The following MAP3K13 variants were observed in gnomAD, a reference collection of about 807,000 sequenced individuals.
MAP3K13 encodes leucine zipper-bearing kinase.
Under a neutral mutation model 104.0 loss-of-function variants are expected in MAP3K13, and 52 were observed. The ratio of observed to expected loss-of-function variants is 0.50; its 90% CI spans 0.40 to 0.63. The LOEUF (loss-of-function observed/expected upper bound fraction) is 0.63, where lower values mean the gene tolerates loss of function less well. MAP3K13 is among the 20% of genes least tolerant of loss of function. The pLI is 0.00. For missense variants in MAP3K13, 914 were observed against 1,218.5 expected, an observed-to-expected ratio of 0.75 and a Z score of 3.72; for synonymous variants, 394 against 442.2, an observed-to-expected ratio of 0.89 and a Z score of 1.37.
At chr3:185,291,564 A>T (rs966155882) in intron 2 of MAP3K13, 3 of 1,477,304 alleles carry the variant, frequency 2.0e-6, no homozygotes, top group African/African-American at 1.4e-5. Flanking sequence ...CCTTAAAAAA[A>T]TTATTAGACT....
At chr3:185,472,891 G>C in intron 10 of MAP3K13, 84 bp from the exon 11 acceptor site, 1 of 1,246,378 alleles carries the variant, frequency 8.0e-7, no homozygotes, top group Admixed American at 2.0e-5. Flanking sequence ...CAAAGGCTCT[G>C]TGTATTTTAA....
intron 2 of MAP3K13, chr3:185,291,903 CA>C (rs139816082): frequency 0.3 from 253,215 of 843,852 alleles, 1,210 homozygotes; most frequent in Middle Eastern, 0.32. Flanking sequence ...CAGTGCTTTC[CA>C]AAAAAAAAAA....
intron 2 of MAP3K13, among the ~76,000 whole-genome samples, chr3:185,301,645 A>G (rs1721115216): frequency 6.6e-6 from 1 of 152,176 alleles, no homozygotes; most frequent in Non-Finnish European, 1.5e-5. Context: ...GTCAAATTTT[A>G]TAGGACCTTT....
At chr3:185,401,897 C>T (rs564886491) in intron 1 of MAP3K13, among the ~76,000 whole-genome samples, 4 of 152,164 alleles carry the variant, frequency 2.6e-5, no homozygotes, top group Non-Finnish European at 4.4e-5. Flanking sequence ...GCTTATGGAG[C>T]GACCTCTTAC....
At chr3:185,453,734 A>C (rs1336171457) in intron 7 of MAP3K13, among the ~76,000 whole-genome samples, 3 of 148,960 alleles carry the variant, frequency 2.0e-5, no homozygotes, top group African/African-American at 7.4e-5. Flanking sequence ...ACGCCACTGC[A>C]CTCCACCCTG....
chr3:185,476,203 T>C (rs1419628003), intron 11 of MAP3K13, among the ~76,000 whole-genome samples: 3 of 152,066 alleles, frequency 2.0e-5, no homozygotes, highest in African/African-American at 7.2e-5. Context: ...CTTTAGGCCA[T>C]AGAACACACA....
chr3:185,292,994 T>C (rs1310916502), intron 2 of MAP3K13: 1 of 985,078 alleles, frequency 1.0e-6, no homozygotes, highest in Non-Finnish European at 1.2e-6. Flanking sequence ...GAATAAAAAA[T>C]TGTTTTAGTT....
At chr3:185,407,869 A>ATTTTTTTTTT (rs35693572) in intron 1 of MAP3K13, among the ~76,000 whole-genome samples, 1 of 69,096 alleles carries the variant, frequency 1.4e-5, no homozygotes, top group African/African-American at 5.9e-5. Context: ...AATTTTGAGA[A>ATTTTTTTTTT]TTTTTTTTTT....
In MAP3K13 at chr3:185,414,245, G is replaced by A. The variant is rs137856973; in HGVS notation, c.-85-14252G>A. Among the ~76,000 whole-genome samples the A allele has an allele frequency of 2.1e-3, 326 of 152,250 alleles. 1 individual carries two copies. Among genetic ancestry groups the A allele is most frequent in the Non-Finnish European group, 3.5e-3 (238 of 68,020 alleles). On this transcript the variant is annotated intron_variant, in intron 1 of 13. Transcript: ENST00000265026. Reference sequence around the variant, plus strand: ...TTAATATGGGAAACGTGTTTAGAGCGGTTTCACATAATCTCAATAAATGTT... The same window carrying A: ...TTAATATGGGAAACGTGTTTAGAGCAGTTTCACATAATCTCAATAAATGTT...
chr3:185,431,167 G>A lies in MAP3K13; in HGVS notation c.475+2111G>A, dbSNP rs551961525. Among the ~76,000 whole-genome samples the A allele has an allele frequency of 1.2e-4, 19 of 152,244 alleles. No individual in the cohort carries two copies. The Middle Eastern group carries it at 0.01, about 82-fold the overall frequency. On this transcript the variant is annotated intron_variant, in intron 2 of 13. Transcript: ENST00000265026. ...TCCCACCAGACCCCTCCCCTGACTC[G>A]TGGGAATTACAATTCGAGATGAGAT...
At chr3:185,351,146 G>A (rs1021178314) in intron 2 of MAP3K13, among the ~76,000 whole-genome samples, 2 of 152,166 alleles carry the variant, frequency 1.3e-5, no homozygotes, top group Non-Finnish European at 2.9e-5. Flanking sequence ...ACTTATAAGT[G>A]GGAGCTAAAC....
At chr3:185,455,323 TATATATG>T (rs1560119161) in intron 7 of MAP3K13, among the ~76,000 whole-genome samples, 3 of 46,480 alleles carry the variant, frequency 6.5e-5, no homozygotes, top group East Asian at 5.0e-4. Flanking sequence ...ATATATGAGA[TATATATG>T]ATATATATGA....
In MAP3K13 at chr3:185,423,722, T is replaced by C. The variant is rs1463081729; in HGVS notation, c.-85-4775T>C. On this transcript the variant is annotated intron_variant, in intron 1 of 13. Coordinates refer to ENST00000265026, the MANE Select transcript of MAP3K13 (RefSeq NM_004721.5). The surrounding 1 kb of genome is among the most constrained non-coding windows in gnomAD (Gnocchi z 4.1). ...AGTTAAAGTGATCTCTCTGGTTTGT[T>C]AGGAGGGAAGAATCACCTGCACTGT... Among the ~76,000 whole-genome samples the C allele has an allele frequency of 6.6e-6, 1 of 152,206 alleles. No individual in the cohort carries two copies. The highest frequency in any genetic ancestry group is 1.5e-5 in the Non-Finnish European group (1 of 68,042).
At chr3:185,475,064 A>G (rs139701681) in intron 11 of MAP3K13, among the ~76,000 whole-genome samples, 1,523 of 147,534 alleles carry the variant, frequency 0.01, 28 homozygotes, top group African/African-American at 0.037. Flanking sequence ...ACTGCACTCC[A>G]GACTGGGCGA....
chr3:185,320,377 G>A (rs767524388), intron 2 of MAP3K13, among the ~76,000 whole-genome samples: 2 of 152,112 alleles, frequency 1.3e-5, no homozygotes, highest in African/African-American at 2.4e-5. Context: ...CATTGTGCCC[G>A]GCCTAAGTAA....
At chr3:185,395,039 G>A (rs1712295674) in intron 1 of MAP3K13, among the ~76,000 whole-genome samples, 1 of 152,088 alleles carries the variant, frequency 6.6e-6, no homozygotes, top group Non-Finnish European at 1.5e-5. Context: ...ATCAAAATAT[G>A]TCTTTTTTTG....
chr3:185,368,669 A>G (rs1057322056), intron 1 of MAP3K13, among the ~76,000 whole-genome samples: 1 of 152,030 alleles, frequency 6.6e-6, no homozygotes, highest in South Asian at 2.1e-4. Context: ...GATAGAAAAG[A>G]TGAACTTTCA....
At chr3:185,368,428 C>T (rs1723994028) in intron 1 of MAP3K13, among the ~76,000 whole-genome samples, 2 of 152,230 alleles carry the variant, frequency 1.3e-5, no homozygotes, top group African/African-American at 2.4e-5. Context: ...TAGCACTGCT[C>T]TGGAATGGGC....
At chr3:185,437,300 A>C (rs1305838188) in intron 2 of MAP3K13, 147 bp from the exon 3 acceptor site, 1 of 599,484 alleles carries the variant, frequency 1.7e-6, no homozygotes, top group Non-Finnish European at 2.9e-6. Flanking sequence ...CTATAGTTCC[A>C]AGGTACATAG....
Sources: gnomAD v4.1 joint callset for allele counts (sites outside exome capture counted in the v4.1 genomes callset) on GRCh38, gnomAD v4.1.1 for gene constraint, Gnocchi (gnomAD v3.1) non-coding constraint, MANE v1.5 for transcripts, NCBI Gene and HGNC (gene_info 2026-07-23, HGNC 2026-07-21) for gene names.